Variants in TADA3 observed in about 807,000 individuals in gnomAD.
The protein encoded by TADA3 is transcriptional adaptor 3, also known as transcriptional adapter 3.
TADA3 carries 25 observed loss-of-function variants against 43.2 expected under a neutral mutation model. The observed-to-expected ratio is 0.58, with a 90% CI of 0.42 to 0.81. The LOEUF is 0.81. Among genes scored for constraint, TADA3 ranks in the 30% least tolerant of loss-of-function variants. The pLI, the probability that TADA3 is intolerant of heterozygous loss-of-function variation, is 0.00. For synonymous variants in TADA3, 235 were observed against 225.5 expected, an observed-to-expected ratio of 1.04 and a Z score of -0.38; for missense variants, 441 against 567.8, an observed-to-expected ratio of 0.78 and a Z score of 2.27.
intron 8 of TADA3, among the ~76,000 whole-genome samples, chr3:9,782,367 C>A (rs2078496109): frequency 6.6e-6 from 1 of 152,188 alleles, no homozygotes; most frequent in African/African-American, 2.4e-5. Flanking sequence ...GCCTTTATTT[C>A]CTCATCTGGT....
intron 8 of TADA3, among the ~76,000 whole-genome samples, chr3:9,781,833 CTTTTTT>C (rs35246642): frequency 4.6e-5 from 4 of 86,890 alleles, no homozygotes; most frequent in African/African-American, 1.0e-4. Flanking sequence ...CCCATTACTT[CTTTTTT>C]TTTTTTTTTT....
chr3:9,780,291 A>T lies in TADA3; in HGVS notation c.*66T>A. 2 of 1,507,198 alleles carry T rather than the reference A, an allele frequency of 1.3e-6. No individual in the cohort carries two copies. Among genetic ancestry groups the T allele is most frequent in the Non-Finnish European group, 1.8e-6 (2 of 1,114,462 alleles). 93.4% of individuals were successfully genotyped at this position (1,507,198 alleles called of 1,614,324 possible). ...CACAGGCCAATGTTTCCTGTGCCCA[A>T]AGAAGGAAGTGGGCCTCCCTTCCCC... On this transcript the variant is annotated 3_prime_UTR_variant, in exon 9 of 9. Transcript: ENST00000301964.
At chr3:9,787,732 AT>A (rs1253718840) in intron 4 of TADA3, 1 of 1,293,828 alleles carries the variant, frequency 7.7e-7, no homozygotes, top group African/African-American at 1.5e-5. Context: ...TTTCAGATAA[AT>A]TTTTAAGAAA....
In TADA3 at chr3:9,786,934, C is replaced by T. The variant is rs2078628075; in HGVS notation, c.810+72G>A. 18 of 1,381,588 alleles carry T rather than the reference C, an allele frequency of 1.3e-5. No homozygotes were observed. In the South Asian group the frequency reaches 2.0e-4, roughly 15 times the overall value. 85.6% of individuals were successfully genotyped at this position (1,381,588 alleles called of 1,614,324 possible). ...CAACCTAATAAATGTATGATAAATTCCGATAAAAAATAAGCATAACACATT... is the reference window on the plus strand; with the variant it reads ...CAACCTAATAAATGTATGATAAATTTCGATAAAAAATAAGCATAACACATT... On this transcript the variant is annotated intron_variant, in intron 6 of 8. Transcript: ENST00000301964.
At chr3:9,789,234 G>A (rs1245292175) in intron 4 of TADA3, among the ~76,000 whole-genome samples, 1 of 152,198 alleles carries the variant, frequency 6.6e-6, no homozygotes, top group Non-Finnish European at 1.5e-5. Context: ...ATGAAGGCTT[G>A]GACCAAAGCA....
At chr3:9,783,940 AG>A in intron 8 of TADA3, 87 bp downstream of exon 8, 1 of 1,459,298 alleles carries the variant, frequency 6.9e-7, no homozygotes, top group African/African-American at 1.4e-5. Context: ...AGGATTGGAA[AG>A]CCTGTTGTAA....
chr3:9,788,559 G>A (rs2078669112), intron 4 of TADA3, among the ~76,000 whole-genome samples: 1 of 144,446 alleles, frequency 6.9e-6, no homozygotes, highest in South Asian at 2.3e-4. Flanking sequence ...TTTTTTTAAT[G>A]GATGGAATCT....
chr3:9,790,955 G>A lies in TADA3; in HGVS notation c.207+305C>T, dbSNP rs373504974. On this transcript the variant is annotated intron_variant, in intron 2 of 8. Coordinates refer to ENST00000301964, the MANE Select transcript of TADA3 (RefSeq NM_006354.5). ...ACTTGACTTTCTCACTTTCCTAGTT[G>A]CCAAGCTCCCTGACAGCCATAACTG... Among the ~76,000 whole-genome samples the A allele has an allele frequency of 9.9e-5, 15 of 152,228 alleles. 1 individual carries two copies. The highest frequency in any genetic ancestry group is 3.6e-4 in the African/African-American group (15 of 41,544).
At position 9,792,416 on chromosome 3, in the gene TADA3, C is replaced by T; in HGVS notation, c.-228G>A. On this transcript the variant is annotated 5_prime_UTR_variant, in exon 1 of 9. Transcript: ENST00000301964. ...TCCTCGCTGCGGCCTCCTACGGCCC[C>T]AGGGGCCGCGGGAGGGGGCGGGGAG... The T allele has an allele frequency of 2.0e-6, 2 of 1,020,996 alleles. No homozygotes were observed. Among genetic ancestry groups the T allele is most frequent in the Non-Finnish European group, 2.4e-6 (2 of 835,266 alleles). 63.2% of individuals were successfully genotyped at this position (1,020,996 alleles called of 1,614,324 possible). A position where few individuals can be genotyped will look rare whatever the true frequency, so the allele number is the denominator to read the frequency against.
At chr3:9,785,938 TTTTG>T (rs963678930) in intron 6 of TADA3, among the ~76,000 whole-genome samples, 14 of 145,030 alleles carry the variant, frequency 9.7e-5, no homozygotes, top group South Asian at 2.1e-4. Flanking sequence ...CCTTGTTTTG[TTTTG>T]TTTTTTTTTT....
Position 9,780,318 on chromosome 3 carries a change from C to T in TADA3, c.*39G>A. The T allele has an allele frequency of 6.3e-7, 1 of 1,582,604 alleles. No individual in the cohort carries two copies. On this transcript the variant is annotated 3_prime_UTR_variant, in exon 9 of 9. Transcript: ENST00000301964. ...GAAGGAAGTGGGCCTCCCTTCCCCTCCCCTAGGCCAGATAATCAGCCTGAG... is the reference window on the plus strand; with the variant it reads ...GAAGGAAGTGGGCCTCCCTTCCCCTTCCCTAGGCCAGATAATCAGCCTGAG...
upstream of TADA3, chr3:9,792,780 A>T (rs549516292): frequency 2.2e-4 from 283 of 1,258,572 alleles, 4 homozygotes; most frequent in South Asian, 7.8e-3. Flanking sequence ...GGCTTGTCCT[A>T]ATTTGGTGCC....
chr3:9,788,108 A>C, intron 4 of TADA3: 1 of 218,780 alleles, frequency 4.6e-6, no homozygotes, highest in Non-Finnish European at 9.4e-6. Flanking sequence ...AAAGGCCTGG[A>C]TGCAGCGCCA....
Position 9,789,669 on chromosome 3 carries a change from C to G in TADA3, c.458+44G>C, listed in dbSNP as rs756022417. 2.1e-5 allele frequency: 34 copies of G among 1,609,836 alleles called. 1 individual carries two copies. The South Asian group carries it at 3.7e-4, about 18-fold the overall frequency. ...GCCCCTGCCCCACCAGTGCCTCCAC[C>G]ACCAGAACCTTGAGGCCCCCTTCTA... On this transcript the variant is annotated intron_variant, in intron 3 of 8. Transcript: ENST00000301964.
In TADA3 at chr3:9,785,464, G is replaced by T. The variant is rs768343759; in HGVS notation, c.811-39C>A. On this transcript the variant is annotated intron_variant, in intron 6 of 8. Coordinates refer to ENST00000301964, the MANE Select transcript of TADA3 (RefSeq NM_006354.5). ...AAAATGAGTGGAAGGAAAAATAGCT[G>T]TTCCACTTTCCTGCTCCTTTCTGAC... The T allele has an allele frequency of 2.6e-5, 36 of 1,405,110 alleles. No homozygotes were observed. In the East Asian group the frequency reaches 8.0e-4, roughly 31 times the overall value. 87.0% of individuals were successfully genotyped at this position (1,405,110 alleles called of 1,614,324 possible).
In TADA3 at chr3:9,789,839, C is replaced by T. The variant is rs1174966289; in HGVS notation, c.332G>A (p.Gly111Glu). The change falls in exon 3 of 9, where the codon GGA becomes GAA. Residue 111 changes from glycine (G) to glutamate (E), a missense_variant. Physicochemically the swap from Gly to Glu is moderately conservative, Grantham distance 98. Coordinates refer to ENST00000301964, the MANE Select transcript of TADA3 (RefSeq NM_006354.5). ...PKKQKLEGKA[G>E]HGPGPGPGRP... is the part of the protein sequence containing the mutation. ...TCCTGGGCCAGGGCCCGGCCCATGTCCTGCCTTCCCTTCCAGTTTCTGCTT... is the reference window on the plus strand; with the variant it reads ...TCCTGGGCCAGGGCCCGGCCCATGTTCTGCCTTCCCTTCCAGTTTCTGCTT... 6.2e-7 allele frequency: 1 copy of T among 1,614,252 alleles called. No individual in the cohort carries two copies. The highest frequency in any genetic ancestry group is 2.2e-5 in the East Asian group (1 of 44,886).
At position 9,791,296 on chromosome 3, in the gene TADA3, G is replaced by A; in HGVS notation, c.171C>T (p.Ala57=). 1.2e-6 allele frequency: 2 copies of A among 1,613,650 alleles called. No homozygotes were observed. The highest frequency in any genetic ancestry group is 1.7e-6 in the Non-Finnish European group (2 of 1,180,028). ...CCTCAAGCACACGCAGGCGCCGGCT[G>A]GCAGAAGACAGCAGGGTCTCCAGCT... ...QLELETLLSS[A]SRRLRVLEAE... is the part of the protein sequence containing the mutation. The change falls in exon 2 of 9, where the codon GCC becomes GCT. Residue 57 remains alanine, a synonymous_variant. Coordinates refer to ENST00000301964, the MANE Select transcript of TADA3 (RefSeq NM_006354.5).
Position 9,780,462 on chromosome 3 carries a change from GAT to G in TADA3, c.1192_1193del (p.Ile398HisfsTer26). ...DNEVMDAFRK[I>X]MAARQKKRTP... ...TCCGCTTCTTCTGCCGGGCAGCCAT[GAT>G]CTTGCGAAAGGCGTCCATGACCTCG... On this transcript the variant is annotated frameshift_variant, in exon 9 of 9. Coordinates refer to ENST00000301964, the MANE Select transcript of TADA3 (RefSeq NM_006354.5). LOFTEE classifies it high-confidence loss of function. 6.2e-7 allele frequency: 1 copy of G among 1,612,078 alleles called. No homozygotes were observed. Among genetic ancestry groups the G allele is most frequent in the Non-Finnish European group, 8.5e-7 (1 of 1,179,998 alleles).
Position 9,785,301 on chromosome 3 carries a change from T to C in TADA3, c.920+15A>G. ...CGGGGGCCAGACTGTGGGTTGTGGA[T>C]AGGACACCACTCACCTGAAGGGCTT... is the stretch of plus-strand genomic sequence containing the variant. On this transcript the variant is annotated intron_variant, in intron 7 of 8. Coordinates refer to ENST00000301964, the MANE Select transcript of TADA3 (RefSeq NM_006354.5). The C allele has an allele frequency of 6.3e-7, 1 of 1,599,236 alleles. No homozygotes were observed. The highest frequency in any genetic ancestry group is 8.6e-7 in the Non-Finnish European group (1 of 1,168,018).
Sources: allele counts gnomAD v4.1 joint callset (sites outside exome capture counted in the v4.1 genomes callset), GRCh38; gene constraint gnomAD v4.1.1; transcripts MANE v1.5; gene names NCBI Gene and HGNC (gene_info 2026-07-23, HGNC 2026-07-21).